Variants in TCF12 observed in about 807,000 individuals in gnomAD.
The protein encoded by TCF12 is DNA-binding protein HTF4.
In TCF12, 45 loss-of-function variants were observed where a neutral mutation model predicts 86.0. The ratio of observed to expected loss-of-function variants is 0.52; its 90% CI spans 0.41 to 0.67. The LOEUF (loss-of-function observed/expected upper bound fraction) is 0.67, where lower values mean the gene tolerates loss of function less well. Ranked by LOEUF, TCF12 falls within the 30% of genes least tolerant of loss-of-function variation. The probability of loss-of-function intolerance (pLI) is 0.00; values close to 1 mark genes in which losing one functional copy is unlikely to be tolerated. For synonymous variants in TCF12, 330 were observed against 299.6 expected (o/e 1.10, Z -1.05); for missense variants, 881 against 859.9 (o/e 1.02, Z -0.31).
At chr15:57,073,547 C>T (rs1373393207) in intron 4 of TCF12, among the ~76,000 whole-genome samples, 1 of 152,112 alleles carries the variant, frequency 6.6e-6, no homozygotes, top group Non-Finnish European at 1.5e-5. Context: ...AAAATCTTCT[C>T]CATTTTAGAG....
chr15:57,108,912 C>G (rs2050310038), intron 5 of TCF12, among the ~76,000 whole-genome samples: 1 of 152,028 alleles, frequency 6.6e-6, no homozygotes, highest in South Asian at 2.1e-4. Flanking sequence ...ATAATTGTGA[C>G]TCTTTTAAAA....
At chr15:57,115,067 A>T (rs1376814502) in intron 5 of TCF12, among the ~76,000 whole-genome samples, 1 of 152,208 alleles carries the variant, frequency 6.6e-6, no homozygotes, top group Admixed American at 6.5e-5. Flanking sequence ...GGCTGACAGT[A>T]CTTTGAACTT....
intron 5 of TCF12, among the ~76,000 whole-genome samples, chr15:57,092,506 A>T (rs1426097930): frequency 6.6e-6 from 1 of 151,934 alleles, no homozygotes; most frequent in African/African-American, 2.4e-5. Flanking sequence ...TCTGCAAAAC[A>T]CCCCTCCTTT....
intron 1 of TCF12, chr15:56,919,170 C>G (rs1217179444): frequency 6.6e-6 from 1 of 151,744 alleles, no homozygotes; most frequent in Non-Finnish European, 1.5e-5. Context: ...CGCCCAGGCT[C>G]CGGGGCGCGC....
At chr15:57,165,443 A>G (rs2054816546) in intron 5 of TCF12, among the ~76,000 whole-genome samples, 1 of 152,180 alleles carries the variant, frequency 6.6e-6, no homozygotes, top group Non-Finnish European at 1.5e-5. Flanking sequence ...ATGAATATAT[A>G]TTTAAGAGTA....
chr15:57,104,009 AAAAC>A (rs1288264946), intron 5 of TCF12, among the ~76,000 whole-genome samples: 6 of 152,186 alleles, frequency 3.9e-5, no homozygotes, highest in African/African-American at 9.7e-5. Flanking sequence ...CTCTGTCTCA[AAAAC>A]AAACAAACAA....
chr15:57,067,420 G>A (rs1485241637), intron 4 of TCF12, among the ~76,000 whole-genome samples: 1 of 150,678 alleles, frequency 6.6e-6, no homozygotes, highest in Non-Finnish European at 1.5e-5. Flanking sequence ...GGCGCCTGTA[G>A]TCCCAGCTAC....
chr15:56,940,554 T>C (rs2060699776), intron 3 of TCF12, among the ~76,000 whole-genome samples: 7 of 140,524 alleles, frequency 5.0e-5, no homozygotes, highest in African/African-American at 1.7e-4. Context: ...TCTTCTTCCT[T>C]TTCCTCTTCC....
chr15:57,146,732 A>C (rs376476594), intron 5 of TCF12, among the ~76,000 whole-genome samples: 1 of 152,218 alleles, frequency 6.6e-6, no homozygotes, highest in Non-Finnish European at 1.5e-5. Flanking sequence ...TGTAATACTT[A>C]AATCAACTGA....
At chr15:57,058,632 A>AT (rs764013662) in intron 3 of TCF12, among the ~76,000 whole-genome samples, 1 of 152,204 alleles carries the variant, frequency 6.6e-6, no homozygotes, top group East Asian at 1.9e-4. Flanking sequence ...CAGAACCTAA[A>AT]TTTTTTATAA....
chr15:57,015,122 C>A (rs2065077987), intron 3 of TCF12, among the ~76,000 whole-genome samples: 1 of 151,816 alleles, frequency 6.6e-6, no homozygotes, highest in Non-Finnish European at 1.5e-5. Flanking sequence ...AACCCTGTCT[C>A]TACAAAAAAT....
intron 10 of TCF12, 85 bp downstream of exon 10, chr15:57,232,515 C>A (rs1427408224): frequency 1.3e-6 from 2 of 1,510,866 alleles, no homozygotes; most frequent in Admixed American, 4.6e-5. Context: ...AAATCTAAGT[C>A]TGCCAAAACT....
intron 3 of TCF12, among the ~76,000 whole-genome samples, chr15:56,944,166 T>C (rs895485971): frequency 2.0e-5 from 3 of 152,220 alleles, no homozygotes; most frequent in East Asian, 1.9e-4. Flanking sequence ...CTATGTATTA[T>C]ATTGTGTTAA....
intron 6 of TCF12, among the ~76,000 whole-genome samples, chr15:57,175,842 A>G (rs146007116): frequency 6.6e-6 from 1 of 152,316 alleles, no homozygotes; most frequent in East Asian, 1.9e-4. Flanking sequence ...AAGTTGGACA[A>G]TAGGTAGAAA....
chr15:57,253,500 C>T (rs1459235338), intron 16 of TCF12, 32 bp downstream of exon 16: 2 of 1,606,692 alleles, frequency 1.2e-6, no homozygotes, highest in South Asian at 2.2e-5. Flanking sequence ...TTGTAGTAAA[C>T]CCTAAAGATT....
chr15:57,226,614 A>G (rs1037636385), intron 8 of TCF12, among the ~76,000 whole-genome samples: 8 of 152,196 alleles, frequency 5.3e-5, no homozygotes, highest in Non-Finnish European at 8.8e-5. Context: ...GACCATGTTC[A>G]GAAAAGTAGG....
At chr15:57,180,384 C>G (rs761557254) in intron 6 of TCF12, among the ~76,000 whole-genome samples, 2 of 152,170 alleles carry the variant, frequency 1.3e-5, no homozygotes, top group Non-Finnish European at 2.9e-5. Context: ...TATGGTAATA[C>G]TATAATAATT....
chr15:57,218,694 T>G (rs1256978666), intron 8 of TCF12, among the ~76,000 whole-genome samples: 1 of 152,164 alleles, frequency 6.6e-6, no homozygotes, highest in Non-Finnish European at 1.5e-5. Context: ...ATTATAAACT[T>G]TTGATTGGTG....
At chr15:57,214,028 A>G (rs545876914) in intron 8 of TCF12, 1 of 152,318 alleles carries the variant, frequency 6.6e-6, no homozygotes, top group African/African-American at 2.4e-5. Flanking sequence ...TCAAGTTGCA[A>G]CATAGTTAAT....
Sources: allele counts gnomAD v4.1 joint callset (sites outside exome capture counted in the v4.1 genomes callset), GRCh38; gene constraint gnomAD v4.1.1; transcripts MANE v1.5; gene names NCBI Gene and HGNC (gene_info 2026-07-23, HGNC 2026-07-21).